RARS2: variants seen among roughly 807,000 people sequenced by gnomAD.
RARS2 encodes probable arginine--tRNA ligase, mitochondrial.
Under a neutral mutation model 88.5 loss-of-function variants are expected in RARS2, and 67 were observed. The observed-to-expected ratio is 0.76, with a 90% CI of 0.62 to 0.93. The LOEUF is 0.93. RARS2 is among the 40% of genes least tolerant of loss of function. RARS2 has a pLI of 0.00. For synonymous variants in RARS2, 239 were observed against 230.3 expected (o/e 1.04, Z -0.34); for missense variants, 664 against 684.2 (o/e 0.97, Z 0.33).
At chr6:87,541,893 T>C (rs1362958595) in intron 8 of RARS2, 25 bp downstream of exon 8, 2 of 1,575,704 alleles carry the variant, frequency 1.3e-6, no homozygotes, top group East Asian at 4.5e-5. Flanking sequence ...TGAAAAATTT[T>C]TGAAATGTTT....
intron 1 of RARS2, among the ~76,000 whole-genome samples, chr6:87,574,940 A>T (rs893949298): frequency 6.6e-6 from 1 of 151,964 alleles, no homozygotes; most frequent in Non-Finnish European, 1.5e-5. Flanking sequence ...AAATAAACAG[A>T]ATTGAAGAAA....
intron 17 of RARS2, 54 bp from the exon 18 acceptor site, chr6:87,516,934 A>T (rs1771950739): frequency 1.2e-6 from 2 of 1,605,502 alleles, no homozygotes; most frequent in Non-Finnish European, 1.7e-6. Context: ...TTACACTAAG[A>T]CATTAGACAT....
At chr6:87,589,117 T>C (rs149985741) in intron 1 of RARS2, among the ~76,000 whole-genome samples, 4 of 152,358 alleles carry the variant, frequency 2.6e-5, no homozygotes, top group African/African-American at 9.6e-5. Context: ...AGTACATCCA[T>C]TAATCAGAAG....
At chr6:87,568,349 T>C (rs1160666879) in intron 2 of RARS2, among the ~76,000 whole-genome samples, 1 of 151,996 alleles carries the variant, frequency 6.6e-6, no homozygotes, top group Non-Finnish European at 1.5e-5. Flanking sequence ...AATACAAAAA[T>C]GTCAGCCAGG....
In RARS2 at chr6:87,529,630, C is replaced by T. The variant is rs749185497; in HGVS notation, c.790G>A (p.Asp264Asn). 1 of 1,603,518 alleles carries T rather than the reference C, an allele frequency of 6.2e-7. No individual in the cohort carries two copies. Among genetic ancestry groups the T allele is most frequent in the East Asian group, 2.2e-5 (1 of 44,800 alleles). The change falls in exon 10 of 20, where the codon GAT becomes AAT. Residue 264 changes from aspartate (D) to asparagine (N), a missense_variant. Coordinates refer to ENST00000369536, the MANE Select transcript of RARS2 (RefSeq NM_020320.5). Reference protein sequence around the residue: ...RVYKRLGVYFDEYSGESFYRE... With the variant: ...RVYKRLGVYFNEYSGESFYRE... ...TAAAATGATTCTCCTGAATATTCAT[C>T]AAAATATACTCCCAGACGCTAAAAG...
At chr6:87,520,468 G>A (rs1024057882) in intron 12 of RARS2, among the ~76,000 whole-genome samples, 7 of 152,064 alleles carry the variant, frequency 4.6e-5, no homozygotes, top group Non-Finnish European at 1.0e-4. Context: ...CAACTCCACC[G>A]AGTCAGTAGG....
chr6:87,551,581 G>A (rs898536379), intron 5 of RARS2, among the ~76,000 whole-genome samples: 2 of 127,002 alleles, frequency 1.6e-5, no homozygotes, highest in African/African-American at 6.2e-5. Context: ...AATGAATCAT[G>A]CCACTGCACT....
chr6:87,575,277 A>ACACACACC (rs1422126329), intron 1 of RARS2, among the ~76,000 whole-genome samples: 46 of 140,140 alleles, frequency 3.3e-4, no homozygotes, highest in African/African-American at 7.5e-4. Context: ...ACACACACAC[A>ACACACACC]CCTTGGCTTC....
At position 87,537,363 on chromosome 6, in the gene RARS2, T is replaced by C. The variant is rs546879110; in HGVS notation, c.612+4555A>G. On this transcript the variant is annotated intron_variant, in intron 8 of 19. Coordinates refer to ENST00000369536, the MANE Select transcript of RARS2 (RefSeq NM_020320.5). ...TGGGGGTGTGGGGACATTCACTGCA[T>C]AGAGCACTCAGGAGCCAGACTACCT... Among the ~76,000 whole-genome samples the C allele has an allele frequency of 6.6e-5, 10 of 152,350 alleles. No individual in the cohort carries two copies. In the South Asian group the frequency reaches 1.7e-3, roughly 25 times the overall value.
chr6:87,580,081 A>G (rs1047503291), intron 1 of RARS2, among the ~76,000 whole-genome samples: 18 of 152,056 alleles, frequency 1.2e-4, no homozygotes, highest in African/African-American at 4.1e-4. Context: ...ACAGGTTTAG[A>G]ATTATTCTGG....
chr6:87,550,241 G>C (rs1007789749), intron 5 of RARS2, among the ~76,000 whole-genome samples: 2 of 152,088 alleles, frequency 1.3e-5, no homozygotes, highest in Admixed American at 1.3e-4. Flanking sequence ...CAGAAAGCCA[G>C]AAAAATAGAT....
In RARS2 at chr6:87,521,981, A is replaced by G. The variant is rs547023260; in HGVS notation, c.975-457T>C. On this transcript the variant is annotated intron_variant, in intron 11 of 19. Coordinates refer to ENST00000369536, the MANE Select transcript of RARS2 (RefSeq NM_020320.5). ...TAGATACTCTCCTATTAGTATTACT[A>G]AGGACTTTCAAAGTCTTGGGTCAGT... Among the ~76,000 whole-genome samples, 6 of 152,308 alleles carry G rather than the reference A, an allele frequency of 3.9e-5. No individual in the cohort carries two copies. In the South Asian group the frequency reaches 1.2e-3, roughly 32 times the overall value.
At chr6:87,530,421 T>C (rs1777090707) in intron 9 of RARS2, among the ~76,000 whole-genome samples, 1 of 152,200 alleles carries the variant, frequency 6.6e-6, no homozygotes, top group Non-Finnish European at 1.5e-5. Context: ...AGAACAAGGG[T>C]TTTCCTCTTC....
chr6:87,524,459 G>T, intron 11 of RARS2, 98 bp downstream of exon 11: 1 of 948,354 alleles, frequency 1.1e-6, no homozygotes, highest in Non-Finnish European at 1.7e-6. Flanking sequence ...AATGTCATCA[G>T]CTGTGGAATC....
At chr6:87,588,659 A>C (rs1272683679) in intron 1 of RARS2, among the ~76,000 whole-genome samples, 1 of 152,214 alleles carries the variant, frequency 6.6e-6, no homozygotes, top group Admixed American at 6.5e-5. Context: ...ATAGGCATGA[A>C]CCACATGCCA....
chr6:87,522,199 G>A (rs1227010861), intron 11 of RARS2, among the ~76,000 whole-genome samples: 14 of 152,004 alleles, frequency 9.2e-5, no homozygotes, highest in African/African-American at 2.9e-4. Context: ...GCGTGGTGGC[G>A]CACGCCTGTA....
intron 9 of RARS2, 146 bp from the exon 10 acceptor site, chr6:87,529,794 G>A: frequency 3.0e-6 from 2 of 664,564 alleles, no homozygotes; most frequent in Non-Finnish European, 5.5e-6. Context: ...GGTGGCTCAT[G>A]CCCATAATCC....
Position 87,530,915 on chromosome 6 carries a change from C to T in RARS2, c.640G>A (p.Ala214Thr). 1 of 1,614,158 alleles carries T rather than the reference C, an allele frequency of 6.2e-7. No homozygotes were observed. The highest frequency in any genetic ancestry group is 8.5e-7 in the Non-Finnish European group (1 of 1,180,016). Residue 214 changes from alanine to threonine, a missense_variant, in exon 9 of 20, where the codon GCA (alanine) becomes ACA (threonine). Ala to Thr is a moderately conservative substitution (Grantham distance 58). Transcript: ENST00000369536. ...EVYVQVNKEA[A>T]DDKSVAKAAQ... is the part of the protein sequence containing the mutation. ...GCTTTTGCTACACTTTTATCATCTGCTGCTTCTTTATTAACTTGTACATAA... is the reference window on the plus strand; with the variant it reads ...GCTTTTGCTACACTTTTATCATCTGTTGCTTCTTTATTAACTTGTACATAA...
chr6:87,579,260 C>A (rs1772617051), intron 1 of RARS2, among the ~76,000 whole-genome samples: 1 of 152,020 alleles, frequency 6.6e-6, no homozygotes, highest in African/African-American at 2.4e-5. Context: ...TCAGGAAAAC[C>A]CGCCTGGCTC....
Sources: allele counts gnomAD v4.1 joint callset (sites outside exome capture counted in the v4.1 genomes callset), GRCh38; gene constraint gnomAD v4.1.1; transcripts MANE v1.5; gene names NCBI Gene and HGNC (gene_info 2026-07-23, HGNC 2026-07-21).